The following PSKH1 variants were observed in gnomAD, a reference collection of about 807,000 sequenced individuals.
PSKH1 encodes protein serine kinase H1.
A neutral mutation model predicts 26.7 loss-of-function variants in PSKH1; 12 were observed. The observed-to-expected ratio is 0.45, with a 90% CI of 0.29 to 0.73. The LOEUF (loss-of-function observed/expected upper bound fraction) is 0.73, where lower values mean the gene tolerates loss of function less well. Among genes scored for constraint, PSKH1 ranks in the 30% least tolerant of loss-of-function variants. PSKH1 has a pLI of 0.11. For synonymous variants in PSKH1, 213 were observed against 234.3 expected (o/e 0.91, Z 0.83); for missense variants, 431 against 595.2 (o/e 0.72, Z 2.87).
chr16:67,927,638 GCT>G lies in PSKH1; in HGVS notation c.1272_1273del (p.Ter425SerfsTer36). On this transcript the variant is annotated frameshift_variant and stop_lost, in exon 3 of 3. Coordinates refer to ENST00000291041, the MANE Select transcript of PSKH1 (RefSeq NM_006742.3). LOFTEE classifies it high-confidence loss of function. The surrounding 1 kb of genome is among the most constrained non-coding windows in gnomAD (Gnocchi z 5.5). ...CTGCGCTACCAGCAGCAATACAATGGCTGAGCCGCCTGGCTGTGCACACATGC... is the reference window on the plus strand; with the variant it reads ...CTGCGCTACCAGCAGCAATACAATGGGAGCCGCCTGGCTGTGCACACATGC... The G allele has an allele frequency of 6.2e-7, 1 of 1,601,476 alleles. No homozygotes were observed.
intron 2 of PSKH1, among the ~76,000 whole-genome samples, chr16:67,920,499 T>A (rs1167389792): frequency 6.6e-6 from 1 of 152,114 alleles, no homozygotes; most frequent in Non-Finnish European, 1.5e-5. Context: ...CCTCAAGTGA[T>A]CCTCCTGCCT....
intron 2 of PSKH1, among the ~76,000 whole-genome samples, chr16:67,914,556 G>C (rs1420838434): frequency 2.6e-5 from 4 of 152,018 alleles, no homozygotes; most frequent in Admixed American, 6.6e-5. Context: ...CCAGGTTCCA[G>C]CGATTCTCCT....
intron 1 of PSKH1, among the ~76,000 whole-genome samples, chr16:67,894,741 C>G (rs1400600770): frequency 3.3e-5 from 5 of 152,126 alleles, no homozygotes; most frequent in Non-Finnish European, 7.3e-5. Flanking sequence ...TGAATGCTGA[C>G]TTATGAATGG....
At chr16:67,908,261 G>C (rs531964101) in intron 1 of PSKH1, among the ~76,000 whole-genome samples, 157 of 152,200 alleles carry the variant, frequency 1.0e-3, no homozygotes, top group African/African-American at 3.6e-3. Flanking sequence ...ATGAGAGCCA[G>C]GACTTCAGTT....
chr16:67,922,721 CAG>C (rs2058206068), intron 2 of PSKH1, among the ~76,000 whole-genome samples: 1 of 152,232 alleles, frequency 6.6e-6, no homozygotes, highest in Non-Finnish European at 1.5e-5. Flanking sequence ...CTAAGGCCGA[CAG>C]AGAAGGTAGA....
Position 67,909,622 on chromosome 16 carries a change from C to G in PSKH1, c.873C>G (p.Leu291=), listed in dbSNP as rs372029690. 9.3e-6 allele frequency: 15 copies of G among 1,613,946 alleles called. No individual in the cohort carries two copies. The highest frequency in any genetic ancestry group is 1.3e-5 in the Non-Finnish European group (15 of 1,180,052). The change falls in exon 2 of 3, where the codon CTC becomes CTG. Residue 291 remains leucine, a synonymous_variant. Coordinates refer to ENST00000291041, the MANE Select transcript of PSKH1 (RefSeq NM_006742.3). The surrounding 1 kb of genome is among the most constrained non-coding windows in gnomAD (Gnocchi z 7.8). ...WALGVIAYIL[L]SGTMPFEDDN... is the part of the protein sequence containing the mutation. ...TGGGCGTCATTGCCTACATCCTACT[C>G]AGTGGCACCATGCCGTTTGAGGATG...
At position 67,893,327 on chromosome 16, in the gene PSKH1, C is replaced by A. The variant is rs2271295; in HGVS notation, c.-115C>A. ...GGCCGCTGCCATTGCCCGGAGATGG[C>A]CGGCAGAGCCGCCGAGACGCCGAAG... On this transcript the variant is annotated 5_prime_UTR_variant, in exon 1 of 3. Coordinates refer to ENST00000291041, the MANE Select transcript of PSKH1 (RefSeq NM_006742.3). The A allele has an allele frequency of 3.8e-3, 597 of 157,498 alleles. 8 individuals carry two copies. The East Asian group carries it at 0.058, about 15-fold the overall frequency. 9.8% of individuals were successfully genotyped at this position (157,498 alleles called of 1,614,324 possible).
intron 2 of PSKH1, among the ~76,000 whole-genome samples, chr16:67,924,583 C>T (rs2058211236): frequency 6.6e-6 from 1 of 152,226 alleles, no homozygotes; most frequent in South Asian, 2.1e-4. Context: ...TGTTCAGGCT[C>T]CTGGCCTCTG....
chr16:67,910,809 T>C (rs1780516642), intron 2 of PSKH1, among the ~76,000 whole-genome samples: 1 of 152,194 alleles, frequency 6.6e-6, no homozygotes, highest in South Asian at 2.1e-4. Context: ...GGCCAGAAAA[T>C]CTAATCTTAA....
intron 2 of PSKH1, among the ~76,000 whole-genome samples, chr16:67,919,668 T>C (rs1209004344): frequency 6.6e-6 from 1 of 152,358 alleles, no homozygotes; most frequent in African/African-American, 2.4e-5. Flanking sequence ...GTGGCATGGT[T>C]TGGGCCACTG....
At chr16:67,900,293 A>G (rs1007684711) in intron 1 of PSKH1, among the ~76,000 whole-genome samples, 1 of 152,146 alleles carries the variant, frequency 6.6e-6, no homozygotes, top group Non-Finnish European at 1.5e-5. Flanking sequence ...GAGTTCAGCA[A>G]TTTGATAAGT....
chr16:67,919,759 GA>G (rs2058196947), intron 2 of PSKH1, among the ~76,000 whole-genome samples: 1 of 152,204 alleles, frequency 6.6e-6, no homozygotes, highest in African/African-American at 2.4e-5. Context: ...GAAGGCAGAG[GA>G]AGCTCTCTCC....
At chr16:67,900,096 G>A (rs1278046428) in intron 1 of PSKH1, among the ~76,000 whole-genome samples, 1 of 151,974 alleles carries the variant, frequency 6.6e-6, no homozygotes, top group East Asian at 1.9e-4. Context: ...GAGTAGCTGG[G>A]ATTACAGGTG....
intron 2 of PSKH1, among the ~76,000 whole-genome samples, chr16:67,918,860 G>C (rs2058194636): frequency 6.6e-6 from 1 of 152,116 alleles, no homozygotes; most frequent in Non-Finnish European, 1.5e-5. Context: ...CCAAAGTGCT[G>C]GGATTACAGG....
At chr16:67,893,989 C>T (rs761770460) in intron 1 of PSKH1, among the ~76,000 whole-genome samples, 16 of 152,218 alleles carry the variant, frequency 1.1e-4, no homozygotes, top group Non-Finnish European at 1.9e-4. Flanking sequence ...TCCTTAGTGC[C>T]TTCAGGACAA....
chr16:67,895,822 C>T (rs912316042), intron 1 of PSKH1, among the ~76,000 whole-genome samples: 4 of 152,198 alleles, frequency 2.6e-5, no homozygotes, highest in African/African-American at 9.7e-5. Flanking sequence ...AAGGCCTTGC[C>T]TTGTGGACTC....
rs148210457 is a variant in PSKH1, at chr16:67,909,494, G to A, written c.745G>A (p.Gly249Ser). The change falls in exon 2 of 3, where the codon GGT (glycine) becomes AGT (serine). Residue 249 changes from glycine (G) to serine (S), a missense_variant. Gly to Ser is a moderately conservative substitution (Grantham distance 56). Transcript: ENST00000291041. The surrounding 1 kb of genome is among the most constrained non-coding windows in gnomAD (Gnocchi z 7.8). Reference sequence around the variant, plus strand: ...CGGCCTGGCCAGTGCTCGCAAGAAGGGTGATGACTGCTTGATGAAGACCAC... The same window carrying A: ...CGGCCTGGCCAGTGCTCGCAAGAAGAGTGATGACTGCTTGATGAAGACCAC... ...DFGLASARKK[G>S]DDCLMKTTCG... 6.2e-7 allele frequency: 1 copy of A among 1,613,736 alleles called. No individual in the cohort carries two copies. Among genetic ancestry groups the A allele is most frequent in the Non-Finnish European group, 8.5e-7 (1 of 1,180,024 alleles).
rs1311972382 is a variant in PSKH1 at position 67,927,893 on chromosome 16, AC to A, written c.*255del. The A allele has an allele frequency of 1.9e-6, 1 of 524,516 alleles. No individual in the cohort carries two copies. Among genetic ancestry groups the A allele is most frequent in the Non-Finnish European group, 3.4e-6 (1 of 296,214 alleles). The allele number at this position is 524,516 out of a possible 1,614,324, so 32.5% of individuals were successfully genotyped here. ...ACTGGGAGCCTGGCCTGGCACTGAT[AC>A]CCCTCTTGGTGGGCAGCTGCTCTGG... On this transcript the variant is annotated 3_prime_UTR_variant, in exon 3 of 3. Transcript: ENST00000291041. This position sits in a 1 kb window ranked among gnomAD's most constrained non-coding sequence, Gnocchi z 5.5.
At chr16:67,898,321 C>G (rs1420953946) in intron 1 of PSKH1, among the ~76,000 whole-genome samples, 1 of 152,076 alleles carries the variant, frequency 6.6e-6, no homozygotes, top group Admixed American at 6.6e-5. Flanking sequence ...ACGAGAACCG[C>G]TTGAACCTGG....
Sources: allele counts gnomAD v4.1 joint callset (sites outside exome capture counted in the v4.1 genomes callset), GRCh38; gene constraint gnomAD v4.1.1; non-coding constraint Gnocchi (gnomAD v3.1); transcripts MANE v1.5; gene names NCBI Gene and HGNC (gene_info 2026-07-23, HGNC 2026-07-21).